Variants in GMCL1 observed in about 807,000 individuals in gnomAD.
GMCL1 encodes germ cell-less protein-like 1.
In GMCL1, 54 loss-of-function variants were observed where a neutral mutation model predicts 75.5. That is an observed-to-expected ratio of 0.71 (90% CI 0.57 to 0.90). GMCL1 has a LOEUF of 0.90. GMCL1 is among the 40% of genes least tolerant of loss of function. The probability of loss-of-function intolerance (pLI) is 0.00; values close to 1 mark genes in which losing one functional copy is unlikely to be tolerated. For synonymous variants in GMCL1, 210 were observed against 209.6 expected (o/e 1.00, Z -0.02); for missense variants, 537 against 622.7 (o/e 0.86, Z 1.47).
intron 9 of GMCL1, among the ~76,000 whole-genome samples, chr2:69,856,939 CTAG>C (rs1287078895): frequency 6.6e-6 from 1 of 152,108 alleles, no homozygotes; most frequent in Non-Finnish European, 1.5e-5. Flanking sequence ...TCCCAGCCTC[CTAG>C]TAGTTTTTTG....
chr2:69,861,034 G>T (rs1248295399), intron 9 of GMCL1, among the ~76,000 whole-genome samples: 1 of 152,128 alleles, frequency 6.6e-6, no homozygotes, highest in Non-Finnish European at 1.5e-5. Context: ...GTAGAGACGG[G>T]GTTTTGCCAT....
intron 11 of GMCL1, among the ~76,000 whole-genome samples, chr2:69,867,607 G>A (rs902733126): frequency 6.6e-6 from 1 of 151,888 alleles, no homozygotes; most frequent in African/African-American, 2.4e-5. Flanking sequence ...ATGTTCCATC[G>A]TAAAATTGGT....
intron 4 of GMCL1, 158 bp from the exon 5 acceptor site, chr2:69,842,990 TA>T (rs75708775): frequency 0.055 from 11,701 of 213,660 alleles, 443 homozygotes; most frequent in African/African-American, 0.13. Flanking sequence ...TTGGACTTGT[TA>T]AAAAAAAAAA....
At chr2:69,847,734 T>A (rs924638298) in intron 7 of GMCL1, 107 bp downstream of exon 7, 6 of 591,088 alleles carry the variant, frequency 1.0e-5, no homozygotes, top group African/African-American at 7.6e-5. Flanking sequence ...TGGTTATAAA[T>A]GTAGGAAAAG....
intron 10 of GMCL1, among the ~76,000 whole-genome samples, chr2:69,861,695 G>A (rs750863673): frequency 6.6e-6 from 1 of 152,094 alleles, no homozygotes; most frequent in African/African-American, 2.4e-5. Flanking sequence ...TTATATTTAT[G>A]TCTAGGTAAA....
rs114494893 is a variant in GMCL1 at position 69,838,111 on chromosome 2, A to G, written c.384+441A>G. On this transcript the variant is annotated intron_variant, in intron 2 of 13. Transcript: ENST00000282570. The stretch of plus-strand genomic sequence containing the variant: ...AAAAATGCAGGTAAAGACAACACCA[A>G]AAAGTATATAGACTAAGTAGATTTC... Among the ~76,000 whole-genome samples, 1,021 of 152,194 alleles carry G rather than the reference A, an allele frequency of 6.7e-3. 7 individuals carry two copies. Among genetic ancestry groups the G allele is most frequent in the Non-Finnish European group, 0.012 (783 of 67,990 alleles).
chr2:69,833,892 C>T (rs1352300769), intron 1 of GMCL1, among the ~76,000 whole-genome samples: 1 of 152,174 alleles, frequency 6.6e-6, no homozygotes, highest in Non-Finnish European at 1.5e-5. Context: ...ATTGAAACGA[C>T]ATTACATAGT....
rs1211572211 is a variant in GMCL1, at chr2:69,840,600, A to C, written c.482-342A>C. Among the ~76,000 whole-genome samples, 4 of 152,268 alleles carry C rather than the reference A, an allele frequency of 2.6e-5. No individual in the cohort carries two copies. In the East Asian group the frequency reaches 7.7e-4, roughly 29 times the overall value. On this transcript the variant is annotated intron_variant, in intron 3 of 13. Coordinates refer to ENST00000282570, the MANE Select transcript of GMCL1 (RefSeq NM_178439.5). The stretch of plus-strand genomic sequence containing the variant: ...AGCAGCCGGGTTAAGATTATCTTTG[A>C]GTCTGCGTATTTGTACTTAACGATT...
rs1573337808 is a variant in GMCL1 at position 69,833,340 on chromosome 2, C to T, written c.260+3188C>T. 1.3e-5 allele frequency among the ~76,000 whole-genome samples: 2 copies of T among 152,232 alleles called. 1 individual carries two copies. Among genetic ancestry groups the T allele is most frequent in the Middle Eastern group, 6.8e-3 (2 of 294 alleles). The stretch of plus-strand genomic sequence containing the variant: ...TAAGAAAATACTAAGACGGGCCAGG[C>T]GTGGTGGCTCACGCCTGTAATCCCA... On this transcript the variant is annotated intron_variant, in intron 1 of 13. Coordinates refer to ENST00000282570, the MANE Select transcript of GMCL1 (RefSeq NM_178439.5).
chr2:69,873,713 T>C lies in GMCL1; in HGVS notation c.1452+1881T>C, dbSNP rs866428127. On this transcript the variant is annotated intron_variant, in intron 13 of 13. Coordinates refer to ENST00000282570, the MANE Select transcript of GMCL1 (RefSeq NM_178439.5). ...CTCCTCCACAGCCTGTTTGATCTTA[T>C]GCTTTTTGACCTCGACATCCACAAT... 89 of 168,174 alleles carry C rather than the reference T, an allele frequency of 5.3e-4. 1 individual carries two copies. The highest frequency in any genetic ancestry group is 3.6e-4 in the Non-Finnish European group (25 of 69,172). 10.4% of individuals were successfully genotyped at this position (168,174 alleles called of 1,614,324 possible).
intron 1 of GMCL1, among the ~76,000 whole-genome samples, chr2:69,836,278 T>C (rs1674814366): frequency 6.6e-6 from 1 of 152,218 alleles, no homozygotes; most frequent in African/African-American, 2.4e-5. Flanking sequence ...TATAAATCTC[T>C]CATCAAGTGA....
chr2:69,876,433 G>A (rs1676131851), intron 13 of GMCL1, among the ~76,000 whole-genome samples: 1 of 152,208 alleles, frequency 6.6e-6, no homozygotes, highest in African/African-American at 2.4e-5. Context: ...ATGACATAGT[G>A]TTGGTGATGG....
intron 9 of GMCL1, among the ~76,000 whole-genome samples, chr2:69,860,749 T>C (rs755152940): frequency 4.7e-4 from 71 of 152,348 alleles, no homozygotes; most frequent in Middle Eastern, 3.4e-3. Context: ...GAGACAAAGC[T>C]GTAAAACCTT....
At chr2:69,849,283 C>CCT (rs1325412769) in intron 7 of GMCL1, among the ~76,000 whole-genome samples, 1 of 152,138 alleles carries the variant, frequency 6.6e-6, no homozygotes, top group Non-Finnish European at 1.5e-5. Flanking sequence ...GGTTCTCTCA[C>CCT]CTCAGCCTCT....
chr2:69,867,501 A>G (rs1675854382), intron 11 of GMCL1, among the ~76,000 whole-genome samples: 1 of 151,728 alleles, frequency 6.6e-6, no homozygotes, highest in Admixed American at 6.6e-5. Flanking sequence ...CAATTTTTTA[A>G]CTCCATTCTG....
At chr2:69,830,467 C>T (rs1267915483) in intron 1 of GMCL1, among the ~76,000 whole-genome samples, 1 of 152,234 alleles carries the variant, frequency 6.6e-6, no homozygotes, top group African/African-American at 2.4e-5. Flanking sequence ...CTGGCCTTCC[C>T]AGTCCACCTT....
intron 9 of GMCL1, among the ~76,000 whole-genome samples, chr2:69,859,341 A>C (rs1226035001): frequency 6.6e-6 from 1 of 150,944 alleles, no homozygotes; most frequent in South Asian, 2.1e-4. Flanking sequence ...ATATATATGA[A>C]TTTTTTTAAA....
chr2:69,839,184 T>C (rs1674909218), intron 2 of GMCL1, among the ~76,000 whole-genome samples: 1 of 152,228 alleles, frequency 6.6e-6, no homozygotes, highest in Non-Finnish European at 1.5e-5. Flanking sequence ...GTTCAAATAA[T>C]ATACATGAAT....
At chr2:69,850,721 C>A (rs1192885972) in intron 8 of GMCL1, among the ~76,000 whole-genome samples, 1 of 152,078 alleles carries the variant, frequency 6.6e-6, no homozygotes, top group Non-Finnish European at 1.5e-5. Flanking sequence ...AAAAATAATC[C>A]TTGATTAGTA....
Sources: allele counts gnomAD v4.1 joint callset (sites outside exome capture counted in the v4.1 genomes callset), GRCh38; gene constraint gnomAD v4.1.1; transcripts MANE v1.5; gene names NCBI Gene and HGNC (gene_info 2026-07-23, HGNC 2026-07-21).